The following DEUP1 variants were observed in gnomAD, a reference collection of about 807,000 sequenced individuals.
DEUP1 encodes the protein coiled-coil domain containing 67.
In DEUP1, 82 loss-of-function variants were observed where a neutral mutation model predicts 87.4. The ratio of observed to expected loss-of-function variants is 0.94; its 90% CI spans 0.78 to 1.13. DEUP1 has a LOEUF of 1.13. DEUP1 is among the 50% of genes most tolerant of loss of function. The probability of loss-of-function intolerance (pLI) is 0.00; values close to 1 mark genes in which losing one functional copy is unlikely to be tolerated. For missense variants in DEUP1, 663 were observed against 681.5 expected (o/e 0.97, Z 0.30); for synonymous variants, 214 against 222.7 (o/e 0.96, Z 0.35).
At chr11:93,374,244 T>A (rs1304967233) in intron 7 of DEUP1, among the ~76,000 whole-genome samples, 3 of 152,224 alleles carry the variant, frequency 2.0e-5, no homozygotes, top group Admixed American at 6.5e-5. Flanking sequence ...ATGTGTTTAC[T>A]GATTATTTAT....
chr11:93,427,527 A>G (rs1436506377), intron 13 of DEUP1, among the ~76,000 whole-genome samples: 3 of 151,932 alleles, frequency 2.0e-5, no homozygotes, highest in African/African-American at 4.8e-5. Flanking sequence ...AAACCCTAGA[A>G]GAAAACCTAG....
At chr11:93,430,330 G>A (rs1006211820) in intron 13 of DEUP1, among the ~76,000 whole-genome samples, 2 of 152,060 alleles carry the variant, frequency 1.3e-5, no homozygotes, top group African/African-American at 4.8e-5. Flanking sequence ...AAAAAAAGAG[G>A]AAACTTCATC....
chr11:93,433,854 C>A (rs1307574526), intron 13 of DEUP1, among the ~76,000 whole-genome samples: 1 of 152,166 alleles, frequency 6.6e-6, no homozygotes, highest in Admixed American at 6.5e-5. Flanking sequence ...ATGAATTGCA[C>A]CACAGCATTT....
intron 2 of DEUP1, among the ~76,000 whole-genome samples, chr11:93,341,911 G>A (rs1302154023): frequency 6.6e-6 from 1 of 151,998 alleles, no homozygotes; most frequent in African/African-American, 2.4e-5. Flanking sequence ...TCTTTTCCTT[G>A]TCTCTCCAAG....
chr11:93,384,125 A>G (rs1279780723), intron 7 of DEUP1, among the ~76,000 whole-genome samples: 1 of 152,174 alleles, frequency 6.6e-6, no homozygotes, highest in Non-Finnish European at 1.5e-5. Flanking sequence ...CCAACAGGCC[A>G]TGGTCCCCAA....
chr11:93,338,301 C>A (rs1030635002), intron 2 of DEUP1, among the ~76,000 whole-genome samples: 1 of 151,994 alleles, frequency 6.6e-6, no homozygotes, highest in Non-Finnish European at 1.5e-5. Context: ...TATAGGCCAG[C>A]GTATTCCAGG....
chr11:93,347,413 T>C (rs1358102393), intron 2 of DEUP1, among the ~76,000 whole-genome samples: 1 of 152,224 alleles, frequency 6.6e-6, no homozygotes, highest in East Asian at 1.9e-4. Flanking sequence ...CTGGATTCCA[T>C]TTGCCAGTAT....
At chr11:93,344,790 A>G (rs1451987896) in intron 2 of DEUP1, among the ~76,000 whole-genome samples, 1 of 152,036 alleles carries the variant, frequency 6.6e-6, no homozygotes, top group Non-Finnish European at 1.5e-5. Flanking sequence ...TCATAATGGC[A>G]TGTCTTGCCA....
intron 11 of DEUP1, among the ~76,000 whole-genome samples, chr11:93,397,434 C>T (rs1946976325): frequency 6.6e-6 from 1 of 152,112 alleles, no homozygotes; most frequent in Non-Finnish European, 1.5e-5. Flanking sequence ...ATGCTGAACA[C>T]ACAAAAAGTT....
chr11:93,418,970 G>A (rs1466386025), intron 13 of DEUP1, among the ~76,000 whole-genome samples: 1 of 150,538 alleles, frequency 6.6e-6, no homozygotes, highest in African/African-American at 2.4e-5. Context: ...CTCATAGGTG[G>A]GAATTGAACA....
At position 93,370,068 on chromosome 11, in the gene DEUP1, A is replaced by G. The variant is rs754414914; in HGVS notation, c.433-5A>G. On this transcript the variant is annotated splice_region_variant and splice_polypyrimidine_tract_variant and intron_variant, in intron 5 of 13. Transcript: ENST00000298050. ...AAATATGTTTGTCTCCCCACTTTTTAAAAGGAATTTAGAGCAAAGTCAAGA... is the reference window on the plus strand; with the variant it reads ...AAATATGTTTGTCTCCCCACTTTTTGAAAGGAATTTAGAGCAAAGTCAAGA... The G allele has an allele frequency of 1.1e-5, 17 of 1,524,368 alleles. No individual in the cohort carries two copies. Among genetic ancestry groups the G allele is most frequent in the Non-Finnish European group, 1.4e-5 (16 of 1,106,172 alleles). The allele number at this position is 1,524,368 out of a possible 1,614,324, so 94.4% of individuals were successfully genotyped here.
Sources: gnomAD v4.1 joint callset for allele counts (sites outside exome capture counted in the v4.1 genomes callset) on GRCh38, gnomAD v4.1.1 for gene constraint, MANE v1.5 for transcripts, NCBI Gene and HGNC (gene_info 2026-07-23, HGNC 2026-07-21) for gene names.